The following PER3 variants were observed in gnomAD, a reference collection of about 807,000 sequenced individuals.
The protein encoded by PER3 is period circadian protein homolog 3.
Under a neutral mutation model 127.2 loss-of-function variants are expected in PER3, and 107 were observed. The observed-to-expected ratio is 0.84, with a 90% CI of 0.72 to 0.99. The LOEUF is 0.99. Among genes scored for constraint, PER3 ranks in the 50% least tolerant of loss-of-function variants. PER3 has a pLI of 0.00. For missense variants in PER3, 1,560 were observed against 1,525.8 expected (o/e 1.02, Z -0.37); for synonymous variants, 618 against 585.8 (o/e 1.05, Z -0.79).
chr1:7,820,601 T>C lies in PER3; in HGVS notation c.1918T>C (p.Tyr640His). The C allele has an allele frequency of 6.2e-7, 1 of 1,614,188 alleles. No homozygotes were observed. The highest frequency in any genetic ancestry group is 8.5e-7 in the Non-Finnish European group (1 of 1,180,024). Residue 640 changes from tyrosine to histidine, a missense_variant, in exon 16 of 22, where the codon TAC (tyrosine) becomes CAC (histidine). Physicochemically the swap from Tyr to His is moderately conservative, Grantham distance 83. Coordinates refer to ENST00000377532, the MANE Select transcript of PER3 (RefSeq NM_001377275.1). ...SLGSGISQCGYSSTIVHVPPP... is the reference protein window; with the variant it reads ...SLGSGISQCGHSSTIVHVPPP... ...GGGGTCGGGCATAAGCCAATGCGGTTACAGCAGCACCATTGTCCATGTCCC... is the reference window on the plus strand; with the variant it reads ...GGGGTCGGGCATAAGCCAATGCGGTCACAGCAGCACCATTGTCCATGTCCC...
At chr1:7,810,352 C>T (rs986629315) in intron 12 of PER3, 86 bp from the exon 13 acceptor site, 7 of 983,002 alleles carry the variant, frequency 7.1e-6, no homozygotes, top group Non-Finnish European at 1.1e-5. Flanking sequence ...TTCAAAGAAA[C>T]AGAAGCTAAG....
In PER3 at chr1:7,784,379, G is replaced by T; in HGVS notation, c.-225+3G>T. 1 of 151,734 alleles carries T rather than the reference G, an allele frequency of 6.6e-6. No individual in the cohort carries two copies. The highest frequency in any genetic ancestry group is 2.0e-4 in the South Asian group (1 of 4,950). 9.4% of individuals were successfully genotyped at this position (151,734 alleles called of 1,614,324 possible). On this transcript the variant is annotated splice_donor_region_variant and intron_variant, in intron 1 of 21. Transcript: ENST00000377532. ...GGGGCCAAGGGCGGGGGCAGCAGGTGAGTGCGCGGCCGGGCGGGAGTTCTG... is the reference window on the plus strand; with the variant it reads ...GGGGCCAAGGGCGGGGGCAGCAGGTTAGTGCGCGGCCGGGCGGGAGTTCTG...
At chr1:7,833,929 A>G (rs905707585) in intron 19 of PER3, among the ~76,000 whole-genome samples, 2 of 147,854 alleles carry the variant, frequency 1.4e-5, no homozygotes, top group Non-Finnish European at 3.0e-5. Context: ...ATTTTATCTT[A>G]TTTTTTTCTT....
chr1:7,801,092 T>TG (rs759928354), intron 7 of PER3, 21 bp from the exon 8 acceptor site: 1 of 1,107,318 alleles, frequency 9.0e-7, no homozygotes, highest in South Asian at 1.3e-5. Flanking sequence ...TTTAAATGGG[T>TG]CTTTGTTTTT....
At chr1:7,840,024 G>A (rs1020241595) in intron 21 of PER3, among the ~76,000 whole-genome samples, 10 of 151,962 alleles carry the variant, frequency 6.6e-5, no homozygotes, top group Admixed American at 6.6e-5. Flanking sequence ...TGGTCCACTC[G>A]ATGGTTTCCC....
Position 7,820,678 on chromosome 1 carries a change from C to CT in PER3, c.1957+41dup, listed in dbSNP as rs757894279. The CT allele has an allele frequency of 3.8e-5, 58 of 1,523,460 alleles. No individual in the cohort carries two copies. The East Asian group carries it at 1.2e-3, about 32-fold the overall frequency. 94.4% of individuals were successfully genotyped at this position (1,523,460 alleles called of 1,614,324 possible). A position where few individuals can be genotyped will look rare whatever the true frequency, so the allele number is the denominator to read the frequency against. ...CCTCTTACTTTGAAAATATACTCAACTTTAACTACATTGTGATGAGAAAAC... is the reference window on the plus strand; with the variant it reads ...CCTCTTACTTTGAAAATATACTCAACTTTTAACTACATTGTGATGAGAAAAC... On this transcript the variant is annotated intron_variant, in intron 16 of 21. Transcript: ENST00000377532.
intron 21 of PER3, among the ~76,000 whole-genome samples, chr1:7,839,687 C>G (rs2097375094): frequency 6.6e-6 from 1 of 152,134 alleles, no homozygotes; most frequent in South Asian, 2.1e-4. Context: ...TTTCTTTAAG[C>G]ACTTTGAATA....
At chr1:7,816,014 A>T (rs973365600) in intron 13 of PER3, among the ~76,000 whole-genome samples, 5 of 149,216 alleles carry the variant, frequency 3.4e-5, no homozygotes, top group African/African-American at 1.2e-4. Flanking sequence ...AAAAAAAAAA[A>T]AAATTGAATT....
intron 7 of PER3, among the ~76,000 whole-genome samples, chr1:7,799,927 C>A (rs2097162970): frequency 6.6e-6 from 1 of 151,766 alleles, no homozygotes; most frequent in South Asian, 2.1e-4. Context: ...CACCATCACG[C>A]CTGACTAATT....
chr1:7,818,685 A>G (rs2097262496), intron 13 of PER3, among the ~76,000 whole-genome samples: 1 of 152,242 alleles, frequency 6.6e-6, no homozygotes, highest in African/African-American at 2.4e-5. Context: ...GTGGCAATTT[A>G]AATTCAAATT....
intron 13 of PER3, chr1:7,811,389 C>T (rs2097218590): frequency 6.6e-6 from 1 of 151,876 alleles, no homozygotes; most frequent in Non-Finnish European, 1.5e-5. Context: ...CAAACTGCTG[C>T]TCCCAGAGGT....
At chr1:7,841,239 G>T (rs565052963) in intron 21 of PER3, among the ~76,000 whole-genome samples, 2 of 152,018 alleles carry the variant, frequency 1.3e-5, no homozygotes, top group East Asian at 1.9e-4. Flanking sequence ...CAGGAAGGGG[G>T]TCGCACAAGC....
At chr1:7,807,853 T>C (rs972364480) in intron 10 of PER3, among the ~76,000 whole-genome samples, 1 of 152,108 alleles carries the variant, frequency 6.6e-6, no homozygotes, top group African/African-American at 2.4e-5. Context: ...CTGGAAAAGG[T>C]ATTTAATCAG....
chr1:7,830,241 G>C, intron 19 of PER3, 80 bp downstream of exon 19: 1 of 1,270,392 alleles, frequency 7.9e-7, no homozygotes, highest in Non-Finnish European at 1.1e-6. Flanking sequence ...GTGTGCCCCA[G>C]GCACTGATGT....
intron 5 of PER3, among the ~76,000 whole-genome samples, chr1:7,788,981 T>C (rs2097105571): frequency 6.6e-6 from 1 of 152,122 alleles, no homozygotes; most frequent in Non-Finnish European, 1.5e-5. Context: ...TGAGTCTTAT[T>C]ACTTTGTTTT....
At chr1:7,828,684 C>T (rs980958633) in intron 18 of PER3, among the ~76,000 whole-genome samples, 5 of 152,214 alleles carry the variant, frequency 3.3e-5, no homozygotes, top group African/African-American at 1.2e-4. Context: ...CAAATCCCAG[C>T]TCGGTCACTA....
In PER3 at chr1:7,826,848, T is replaced by G; in HGVS notation, c.2188+138T>G. 1 of 646,426 alleles carries G rather than the reference T, an allele frequency of 1.5e-6. No individual in the cohort carries two copies. Among genetic ancestry groups the G allele is most frequent in the Non-Finnish European group, 2.7e-6 (1 of 372,802 alleles). The allele number at this position is 646,426 out of a possible 1,614,324, so 40.0% of individuals were successfully genotyped here. A position where few individuals can be genotyped will look rare whatever the true frequency, so the allele number is the denominator to read the frequency against. ...TGGAGAGATGCTGAAACAATCTATT[T>G]ACATCAACAGTTTATGTAAGTTCTT... On this transcript the variant is annotated intron_variant, in intron 17 of 21. Transcript: ENST00000377532. The surrounding 1 kb of genome is among the most constrained non-coding windows in gnomAD (Gnocchi z 4.2).
intron 10 of PER3, among the ~76,000 whole-genome samples, chr1:7,807,990 T>C (rs1387809885): frequency 1.3e-5 from 2 of 152,172 alleles, no homozygotes; most frequent in Admixed American, 6.5e-5. Flanking sequence ...GCCAGCACTT[T>C]GGGAGGCCGA....
At chr1:7,807,880 G>C (rs570594675) in intron 10 of PER3, among the ~76,000 whole-genome samples, 1 of 152,118 alleles carries the variant, frequency 6.6e-6, no homozygotes, top group African/African-American at 2.4e-5. Flanking sequence ...GAGAAAATAC[G>C]TGTAAAGCAC....
Sources: gnomAD v4.1 joint callset for allele counts (sites outside exome capture counted in the v4.1 genomes callset) on GRCh38, gnomAD v4.1.1 for gene constraint, Gnocchi (gnomAD v3.1) non-coding constraint, MANE v1.5 for transcripts, NCBI Gene and HGNC (gene_info 2026-07-23, HGNC 2026-07-21) for gene names.